KCNAB1: variants seen among roughly 807,000 people sequenced by gnomAD.
The protein encoded by KCNAB1 is voltage-gated potassium channel subunit beta-1.
A neutral mutation model predicts 64.6 loss-of-function variants in KCNAB1; 35 were observed. The observed-to-expected ratio is 0.54, with a 90% CI of 0.41 to 0.72. The LOEUF is 0.72. Among genes scored for constraint, KCNAB1 ranks in the 30% least tolerant of loss-of-function variants. The probability of loss-of-function intolerance (pLI) is 0.00; values close to 1 mark genes in which losing one functional copy is unlikely to be tolerated. For missense variants in KCNAB1, 401 were observed against 512.9 expected, an observed-to-expected ratio of 0.78 and a Z score of 2.11; for synonymous variants, 177 against 183.8, an observed-to-expected ratio of 0.96 and a Z score of 0.30.
chr3:156,479,556 C>T (rs564947132), intron 8 of KCNAB1, among the ~76,000 whole-genome samples: 1 of 152,232 alleles, frequency 6.6e-6, no homozygotes, highest in East Asian at 1.9e-4. Flanking sequence ...GCCTGTACCA[C>T]TTGTAGACAA....
intron 1 of KCNAB1, among the ~76,000 whole-genome samples, chr3:156,190,876 A>G (rs11713991): frequency 0.55 from 83,688 of 151,932 alleles, 23,982 homozygotes; most frequent in East Asian, 0.9. Flanking sequence ...TATTTTTAGT[A>G]GAGACAGGGT....
chr3:156,387,014 C>CTCTTTTTTGTTTTTT (rs60888308), intron 1 of KCNAB1, among the ~76,000 whole-genome samples: 1 of 90,526 alleles, frequency 1.1e-5, no homozygotes, highest in Non-Finnish European at 2.1e-5. Flanking sequence ...TTCTCTCTCT[C>CTCTTTTTTGTTTTTT]TTTTTTTTTT....
chr3:156,410,915 T>G (rs972255648), intron 1 of KCNAB1, among the ~76,000 whole-genome samples: 1 of 152,224 alleles, frequency 6.6e-6, no homozygotes, highest in Admixed American at 6.5e-5. Context: ...TTATATACAC[T>G]TTTTTGTGTG....
rs147267145 is a variant in KCNAB1 at position 156,482,625 on chromosome 3, A to G, written c.658+7805A>G. Among the ~76,000 whole-genome samples the G allele has an allele frequency of 2.0e-3, 306 of 152,140 alleles. 2 individuals carry two copies. Among genetic ancestry groups the G allele is most frequent in the African/African-American group, 6.9e-3 (288 of 41,528 alleles). ...GTATGGCATTAAGAGTCAGACCTCA[A>G]TTCAAATCCTCTTTCTGTTACGAGC... On this transcript the variant is annotated intron_variant, in intron 8 of 13. Coordinates refer to ENST00000490337, the MANE Select transcript of KCNAB1 (RefSeq NM_172160.3).
intron 1 of KCNAB1, among the ~76,000 whole-genome samples, chr3:156,328,336 G>A (rs533969053): frequency 6.6e-6 from 1 of 152,240 alleles, no homozygotes; most frequent in South Asian, 2.1e-4. Flanking sequence ...GCAGAAGCTT[G>A]GAGGTTGGAT....
chr3:156,206,867 A>G (rs1392823142), intron 1 of KCNAB1, among the ~76,000 whole-genome samples: 1 of 152,206 alleles, frequency 6.6e-6, no homozygotes, highest in Non-Finnish European at 1.5e-5. Flanking sequence ...TATGGAAAAA[A>G]TGTTTCAGTA....
At position 156,538,038 on chromosome 3, in the gene KCNAB1, G is replaced by GTATC. The variant is rs1394277122; in HGVS notation, c.*1294_*1297dup. 2.0e-5 allele frequency: 3 copies of GTATC among 152,076 alleles called. No homozygotes were observed. The highest frequency in any genetic ancestry group is 2.9e-5 in the Non-Finnish European group (2 of 68,006). 9.4% of individuals were successfully genotyped at this position (152,076 alleles called of 1,614,324 possible). A position where few individuals can be genotyped will look rare whatever the true frequency, so the allele number is the denominator to read the frequency against. ...CCTTGTTGCACTCGAAATCTGAGGT[G>GTATC]TATCTAGCCCTGCCACTATTGGCTA... On this transcript the variant is annotated 3_prime_UTR_variant, in exon 14 of 14. Transcript: ENST00000490337.
intron 1 of KCNAB1, among the ~76,000 whole-genome samples, chr3:156,225,121 A>C (rs777065393): frequency 6.6e-6 from 1 of 152,222 alleles, no homozygotes; most frequent in Non-Finnish European, 1.5e-5. Context: ...TAACAAAAAA[A>C]GAAAACTACA....
chr3:156,442,967 G>C (rs1216134523), intron 2 of KCNAB1, among the ~76,000 whole-genome samples: 2 of 152,160 alleles, frequency 1.3e-5, no homozygotes, highest in Admixed American at 6.5e-5. Context: ...GGTGGCCGAG[G>C]AGAGTGAAGG....
intron 8 of KCNAB1, among the ~76,000 whole-genome samples, chr3:156,477,968 G>A (rs1316884217): frequency 1.3e-5 from 2 of 152,088 alleles, no homozygotes; most frequent in African/African-American, 4.8e-5. Flanking sequence ...TACAATGGGG[G>A]TATACCTTAG....
At chr3:156,164,012 C>A (rs1716230167) in intron 1 of KCNAB1, among the ~76,000 whole-genome samples, 1 of 152,164 alleles carries the variant, frequency 6.6e-6, no homozygotes, top group Admixed American at 6.5e-5. Context: ...TGCTAGGCAT[C>A]AAGACTGCAA....
intron 1 of KCNAB1, among the ~76,000 whole-genome samples, chr3:156,289,014 G>A (rs1218519323): frequency 1.3e-5 from 2 of 152,150 alleles, no homozygotes; most frequent in African/African-American, 4.8e-5. Context: ...CTATGCACAA[G>A]GCACTCTGTG....
At chr3:156,504,452 G>A (rs1244250072) in intron 8 of KCNAB1, among the ~76,000 whole-genome samples, 2 of 152,088 alleles carry the variant, frequency 1.3e-5, no homozygotes, top group African/African-American at 4.8e-5. Flanking sequence ...GGATCATATG[G>A]TAGTTCTAAT....
chr3:156,451,550 C>T (rs1448424789), intron 2 of KCNAB1, among the ~76,000 whole-genome samples: 2 of 151,054 alleles, frequency 1.3e-5, no homozygotes, highest in Admixed American at 6.5e-5. Context: ...ATCTGGTAAG[C>T]TTCTTAGTAT....
At chr3:156,476,448 C>T (rs1714350599) in intron 8 of KCNAB1, among the ~76,000 whole-genome samples, 1 of 152,030 alleles carries the variant, frequency 6.6e-6, no homozygotes, top group African/African-American at 2.4e-5. Flanking sequence ...TCTCCAGTCT[C>T]ATCCAGGTCA....
At chr3:156,401,495 TG>T (rs1231866001) in intron 1 of KCNAB1, among the ~76,000 whole-genome samples, 4 of 152,246 alleles carry the variant, frequency 2.6e-5, no homozygotes, top group Non-Finnish European at 5.9e-5. Flanking sequence ...AGCTAATAGA[TG>T]CTTCTTGGTG....
intron 1 of KCNAB1, among the ~76,000 whole-genome samples, chr3:156,268,943 T>A (rs1233480916): frequency 6.6e-6 from 1 of 152,226 alleles, no homozygotes; most frequent in Non-Finnish European, 1.5e-5. Context: ...CAGTCCAATG[T>A]TCTGGAGAGT....
intron 1 of KCNAB1, among the ~76,000 whole-genome samples, chr3:156,337,362 G>C (rs1365886396): frequency 6.6e-6 from 1 of 152,104 alleles, no homozygotes; most frequent in African/African-American, 2.4e-5. Flanking sequence ...ATAATGGTTT[G>C]ACTTGTTTCA....
At chr3:156,236,175 T>C (rs1441570120) in intron 1 of KCNAB1, among the ~76,000 whole-genome samples, 1 of 152,196 alleles carries the variant, frequency 6.6e-6, no homozygotes, top group Non-Finnish European at 1.5e-5. Context: ...TATGCCAAAC[T>C]CTTTTCAGCT....
Sources: gnomAD v4.1 joint callset for allele counts (sites outside exome capture counted in the v4.1 genomes callset) on GRCh38, gnomAD v4.1.1 for gene constraint, MANE v1.5 for transcripts, NCBI Gene and HGNC (gene_info 2026-07-23, HGNC 2026-07-21) for gene names.